The following COL23A1 variants were observed in gnomAD, a reference collection of about 807,000 sequenced individuals.
The protein encoded by COL23A1 is collagen type XXIII alpha 1 chain, also known as collagen alpha-1(XXIII) chain.
In COL23A1, 97 loss-of-function variants were observed where a neutral mutation model predicts 99.3. The ratio of observed to expected loss-of-function variants is 0.98; its 90% CI spans 0.83 to 1.16. The LOEUF (loss-of-function observed/expected upper bound fraction) is 1.16. Among genes scored for constraint, COL23A1 ranks in the 50% most tolerant of loss-of-function variants. COL23A1 has a pLI of 0.00. For synonymous variants in COL23A1, 320 were observed against 308.2 expected, an observed-to-expected ratio of 1.04 and a Z score of -0.40; for missense variants, 762 against 757.4, an observed-to-expected ratio of 1.01 and a Z score of -0.07.
At chr5:178,274,303 G>A (rs10067675) in intron 5 of COL23A1, among the ~76,000 whole-genome samples, 3,122 of 152,308 alleles carry the variant, frequency 0.02, 114 homozygotes, top group African/African-American at 0.071. Flanking sequence ...TTCTACTGGT[G>A]GAGTGGGGGC....
chr5:178,451,412 T>C (rs1418192719), intron 2 of COL23A1, among the ~76,000 whole-genome samples: 2 of 152,118 alleles, frequency 1.3e-5, no homozygotes, highest in Non-Finnish European at 2.9e-5. Flanking sequence ...TCCCAGCACT[T>C]TGAGAGCCCA....
chr5:178,377,695 C>A (rs1763151466), intron 2 of COL23A1, among the ~76,000 whole-genome samples: 1 of 152,124 alleles, frequency 6.6e-6, no homozygotes, highest in South Asian at 2.1e-4. Flanking sequence ...GTGGTGTGGA[C>A]AAGCGCGCGA....
At position 178,287,936 on chromosome 5, in the gene COL23A1, C is replaced by T. The variant is rs150670865; in HGVS notation, c.441+388G>A. Among the ~76,000 whole-genome samples the T allele has an allele frequency of 6.7e-3, 1,021 of 152,368 alleles. 11 individuals are homozygous for T. The highest frequency in any genetic ancestry group is 0.023 in the African/African-American group (957 of 41,588). On this transcript the variant is annotated intron_variant, in intron 5 of 28. Coordinates refer to ENST00000390654, the MANE Select transcript of COL23A1 (RefSeq NM_173465.4). ...CAGCCAAACTGGAACCAGCCAGTCTCCTGTTATCGAGTGATGACGAGGAGC... is the reference window on the plus strand; with the variant it reads ...CAGCCAAACTGGAACCAGCCAGTCTTCTGTTATCGAGTGATGACGAGGAGC...
chr5:178,320,110 AC>A (rs61495213), intron 2 of COL23A1, among the ~76,000 whole-genome samples: 81,654 of 152,074 alleles, frequency 0.54, 22,963 homozygotes, highest in Non-Finnish European at 0.64. Context: ...ATTTGTTGTC[AC>A]ATTTTCCTCT....
intron 1 of COL23A1, among the ~76,000 whole-genome samples, chr5:178,574,670 G>A (rs1411211378): frequency 6.6e-6 from 1 of 152,208 alleles, no homozygotes; most frequent in South Asian, 2.1e-4. Flanking sequence ...CTCCAAAAGG[G>A]TGGCTCAAAA....
intron 7 of COL23A1, among the ~76,000 whole-genome samples, chr5:178,268,107 T>G (rs1053107999): frequency 4.6e-5 from 7 of 152,238 alleles, no homozygotes; most frequent in Non-Finnish European, 7.3e-5. Flanking sequence ...AGGGCCCATC[T>G]GCAGATCTCA....
intron 2 of COL23A1, among the ~76,000 whole-genome samples, chr5:178,464,594 C>T (rs1253119647): frequency 2.6e-5 from 4 of 152,186 alleles, no homozygotes; most frequent in Non-Finnish European, 5.9e-5. Flanking sequence ...GTGAAGGCTG[C>T]GGCCGTCACT....
intron 2 of COL23A1, among the ~76,000 whole-genome samples, chr5:178,532,722 C>T (rs1034234088): frequency 6.6e-5 from 10 of 152,104 alleles, no homozygotes; most frequent in African/African-American, 9.7e-5. Flanking sequence ...GGAGGCGGGG[C>T]TTTGGGAGGT....
At chr5:178,448,912 T>G (rs927213607) in intron 2 of COL23A1, among the ~76,000 whole-genome samples, 4 of 77,852 alleles carry the variant, frequency 5.1e-5, no homozygotes, top group South Asian at 5.1e-4. Flanking sequence ...GAAATAAAGT[T>G]TTTTTTTTTT....
chr5:178,448,598 G>C (rs1408903523), intron 2 of COL23A1, among the ~76,000 whole-genome samples: 1 of 152,166 alleles, frequency 6.6e-6, no homozygotes, highest in Non-Finnish European at 1.5e-5. Context: ...CTGGTCGAAG[G>C]CATTACAAGG....
intron 27 of COL23A1, among the ~76,000 whole-genome samples, chr5:178,240,302 CACCAGGG>C (rs1315085948): frequency 6.6e-6 from 1 of 152,182 alleles, no homozygotes. Flanking sequence ...CCCATGTGTA[CACCAGGG>C]ACCAGGCTAG....
intron 2 of COL23A1, among the ~76,000 whole-genome samples, chr5:178,392,257 T>C (rs1168601687): frequency 6.6e-6 from 1 of 152,074 alleles, no homozygotes; most frequent in Non-Finnish European, 1.5e-5. Context: ...TATCCTAAGA[T>C]TGTTATAAAG....
At chr5:178,400,794 C>T (rs149807238) in intron 2 of COL23A1, among the ~76,000 whole-genome samples, 332 of 152,190 alleles carry the variant, frequency 2.2e-3, no homozygotes, top group Middle Eastern at 0.01. Flanking sequence ...CCTGCCACTA[C>T]GCCCGGCTAA....
intron 2 of COL23A1, among the ~76,000 whole-genome samples, chr5:178,429,651 C>T (rs12652099): frequency 0.11 from 16,611 of 152,066 alleles, 2,051 homozygotes; most frequent in East Asian, 0.55. Flanking sequence ...TGAGGCTGCA[C>T]GCACTCTCGC....
At chr5:178,562,933 C>CTACAGAGCACTGATTGGTGCATTTT (rs541157524) in intron 1 of COL23A1, among the ~76,000 whole-genome samples, 1 of 152,064 alleles carries the variant, frequency 6.6e-6, no homozygotes, top group East Asian at 1.9e-4. Context: ...CTCTAGCTAG[C>CTACAGAGCACTGATTGGTGCATTTT]TACAGAGCAC....
rs748609400 is a variant in COL23A1 at position 178,256,306 on chromosome 5, C to T, written c.882+47G>A. The T allele has an allele frequency of 2.7e-6, 4 of 1,458,072 alleles. 1 individual carries two copies. The South Asian group carries it at 4.3e-5, about 16-fold the overall frequency. The allele number at this position is 1,458,072 out of a possible 1,614,324, so 90.3% of individuals were successfully genotyped here. On this transcript the variant is annotated intron_variant, in intron 15 of 28. Transcript: ENST00000390654. ...GACAGGGGCTTCTGAAGCTATGGGG[C>T]CCCTAGATCTCATCCCTGAGGCCTC...
At position 178,355,074 on chromosome 5, in the gene COL23A1, G is replaced by A. The variant is rs547225187; in HGVS notation, c.362-48155C>T. Among the ~76,000 whole-genome samples the A allele has an allele frequency of 5.4e-4, 81 of 151,064 alleles. 1 individual carries two copies. The East Asian group carries it at 0.016, about 29-fold the overall frequency. On this transcript the variant is annotated intron_variant, in intron 2 of 28. Coordinates refer to ENST00000390654, the MANE Select transcript of COL23A1 (RefSeq NM_173465.4). Reference sequence around the variant, plus strand: ...TTTGTCTCAAAAAAAAAAAAAAATGGATTTTTAAAATGCAGAATAGTAACT... The same window carrying A: ...TTTGTCTCAAAAAAAAAAAAAAATGAATTTTTAAAATGCAGAATAGTAACT...
At chr5:178,259,827 G>C in intron 11 of COL23A1, 80 bp from the exon 12 acceptor site, 7 of 1,366,768 alleles carry the variant, frequency 5.1e-6, no homozygotes, top group Non-Finnish European at 7.0e-6. Flanking sequence ...CTTGTTCCTC[G>C]GGTAGAAGTG....
intron 2 of COL23A1, among the ~76,000 whole-genome samples, chr5:178,430,545 C>A (rs775795122): frequency 1.3e-5 from 2 of 152,158 alleles, no homozygotes. Context: ...TGGGAAAGAT[C>A]CATGTATGTC....
Sources: gnomAD v4.1 joint callset for allele counts (sites outside exome capture counted in the v4.1 genomes callset) on GRCh38, gnomAD v4.1.1 for gene constraint, MANE v1.5 for transcripts, NCBI Gene and HGNC (gene_info 2026-07-23, HGNC 2026-07-21) for gene names.